CBFA2T2: variants seen among roughly 807,000 people sequenced by gnomAD.
CBFA2T2 encodes CBFA2/RUNX1 partner transcriptional co-repressor 2, also known as protein CBFA2T2.
CBFA2T2 carries 11 observed loss-of-function variants against 62.2 expected under a neutral mutation model. The ratio of observed to expected loss-of-function variants is 0.18; its 90% CI spans 0.11 to 0.29. CBFA2T2 has a LOEUF of 0.29. CBFA2T2 is among the 10% of genes least tolerant of loss of function. CBFA2T2 has a pLI of 1.00. For synonymous variants in CBFA2T2, 295 were observed against 287.5 expected (o/e 1.03, Z -0.27); for missense variants, 592 against 774.1 (o/e 0.76, Z 2.79).
Position 33,636,592 on chromosome 20 carries a change from T to C in CBFA2T2, c.1229-48T>C, listed in dbSNP as rs568569330. The C allele has an allele frequency of 1.2e-5, 17 of 1,367,892 alleles. No individual in the cohort carries two copies. The East Asian group carries it at 3.2e-4, about 26-fold the overall frequency. The allele number at this position is 1,367,892 out of a possible 1,614,324, so 84.7% of individuals were successfully genotyped here. A position where few individuals can be genotyped will look rare whatever the true frequency, so the allele number is the denominator to read the frequency against. On this transcript the variant is annotated intron_variant, in intron 8 of 10. Transcript: ENST00000342704. ...GAAATCTGATCAAAAATAAAACTGC[T>C]GATCATAGACAGCTTCTGACCCTAT... is the stretch of plus-strand genomic sequence containing the variant.
chr20:33,514,059 C>T (rs1433010398), intron 1 of CBFA2T2, among the ~76,000 whole-genome samples: 1 of 150,946 alleles, frequency 6.6e-6, no homozygotes, highest in Admixed American at 6.6e-5. Flanking sequence ...GGCCACCATG[C>T]CTGGCTACTT....
intron 1 of CBFA2T2, among the ~76,000 whole-genome samples, chr20:33,539,116 C>T (rs1488435538): frequency 1.3e-5 from 2 of 152,118 alleles, no homozygotes; most frequent in Non-Finnish European, 2.9e-5. Flanking sequence ...AGTTGAGGTT[C>T]GGAAATTTGG....
chr20:33,613,296 T>A (rs2015592647), intron 3 of CBFA2T2, among the ~76,000 whole-genome samples: 1 of 152,236 alleles, frequency 6.6e-6, no homozygotes, highest in African/African-American at 2.4e-5. Flanking sequence ...GGGGCAGTTT[T>A]GGGGTCTCCA....
intron 1 of CBFA2T2, among the ~76,000 whole-genome samples, chr20:33,598,894 G>A (rs907846947): frequency 4.6e-5 from 7 of 152,180 alleles, no homozygotes; most frequent in South Asian, 2.1e-4. Context: ...CTGACTTCCC[G>A]CAGCAGTCTC....
chr20:33,530,755 C>T (rs1174391391), intron 1 of CBFA2T2, among the ~76,000 whole-genome samples: 1 of 151,548 alleles, frequency 6.6e-6, no homozygotes, highest in African/African-American at 2.4e-5. Flanking sequence ...ACTATAAAAG[C>T]ACATGAACAA....
At chr20:33,602,123 T>C (rs2122274284) in intron 1 of CBFA2T2, among the ~76,000 whole-genome samples, 1 of 152,284 alleles carries the variant, frequency 6.6e-6, no homozygotes, top group East Asian at 1.9e-4. Flanking sequence ...AATTCTAATA[T>C]ATTTTAAAAT....
At position 33,645,576 on chromosome 20, in the gene CBFA2T2, C is replaced by T. The variant is rs1478560749; in HGVS notation, c.*930C>T. The T allele has an allele frequency of 6.6e-6, 1 of 152,196 alleles. No homozygotes were observed. The highest frequency in any genetic ancestry group is 2.4e-5 in the African/African-American group (1 of 41,450). The allele number at this position is 152,196 out of a possible 1,614,324, so 9.4% of individuals were successfully genotyped here. A position where few individuals can be genotyped will look rare whatever the true frequency, so the allele number is the denominator to read the frequency against. On this transcript the variant is annotated 3_prime_UTR_variant, in exon 11 of 11. Coordinates refer to ENST00000342704, the MANE Select transcript of CBFA2T2 (RefSeq NM_001032999.3). ...GTGTCCTTTTATCTCTCAGACCACA[C>T]ACATCTGGAACGCTGTGGGCATCTT...
At chr20:33,630,282 C>T (rs748887929) in intron 8 of CBFA2T2, among the ~76,000 whole-genome samples, 2 of 152,098 alleles carry the variant, frequency 1.3e-5, no homozygotes, top group African/African-American at 2.4e-5. Context: ...GTTAATTCTT[C>T]GTGGAGAATG....
intron 3 of CBFA2T2, among the ~76,000 whole-genome samples, chr20:33,611,631 G>C (rs2015532544): frequency 6.6e-6 from 1 of 151,874 alleles, no homozygotes; most frequent in Non-Finnish European, 1.5e-5. Flanking sequence ...TTCTCTTGCT[G>C]CATCCTCCTG....
chr20:33,644,720 C>T lies in CBFA2T2; in HGVS notation c.*74C>T. The T allele has an allele frequency of 6.8e-7, 1 of 1,470,128 alleles. No homozygotes were observed. 91.1% of individuals were successfully genotyped at this position (1,470,128 alleles called of 1,614,324 possible). Reference sequence around the variant, plus strand: ...TGGGCTGAGGGACTGACTGTTGGAACCCGTGCATGTAGCTGCCGGGTCATC... The same window carrying T: ...TGGGCTGAGGGACTGACTGTTGGAATCCGTGCATGTAGCTGCCGGGTCATC... On this transcript the variant is annotated 3_prime_UTR_variant, in exon 11 of 11. Transcript: ENST00000342704.
chr20:33,562,991 T>C (rs1359640950), intron 1 of CBFA2T2, among the ~76,000 whole-genome samples: 1 of 152,210 alleles, frequency 6.6e-6, no homozygotes, highest in East Asian at 1.9e-4. Context: ...GATTGTTCTG[T>C]GATGTTTAGA....
chr20:33,520,017 C>T (rs148231535), intron 1 of CBFA2T2, among the ~76,000 whole-genome samples: 20 of 152,058 alleles, frequency 1.3e-4, no homozygotes, highest in Non-Finnish European at 2.2e-4. Flanking sequence ...CATGGTGGCT[C>T]GTGCCTAATC....
intron 3 of CBFA2T2, among the ~76,000 whole-genome samples, chr20:33,616,847 C>T (rs1043734399): frequency 6.6e-6 from 1 of 152,166 alleles, no homozygotes; most frequent in African/African-American, 2.4e-5. Context: ...CAACGTTCTT[C>T]TCTCTGCTCT....
At chr20:33,594,050 G>A (rs1032945101) in intron 1 of CBFA2T2, among the ~76,000 whole-genome samples, 3 of 152,184 alleles carry the variant, frequency 2.0e-5, no homozygotes, top group South Asian at 2.1e-4. Flanking sequence ...TGGATACTAC[G>A]TGATGAATGG....
At chr20:33,572,805 T>A (rs2013628036) in intron 1 of CBFA2T2, among the ~76,000 whole-genome samples, 2 of 152,188 alleles carry the variant, frequency 1.3e-5, no homozygotes, top group South Asian at 4.1e-4. Flanking sequence ...TGGGTAACCA[T>A]TGAATAGTTG....
chr20:33,644,701 G>A lies in CBFA2T2; in HGVS notation c.*55G>A. 2 of 1,526,646 alleles carry A rather than the reference G, an allele frequency of 1.3e-6. No individual in the cohort carries two copies. Among genetic ancestry groups the A allele is most frequent in the East Asian group, 4.5e-5 (2 of 43,974 alleles). The allele number at this position is 1,526,646 out of a possible 1,614,324, so 94.6% of individuals were successfully genotyped here. A position where few individuals can be genotyped will look rare whatever the true frequency, so the allele number is the denominator to read the frequency against. On this transcript the variant is annotated 3_prime_UTR_variant, in exon 11 of 11. Transcript: ENST00000342704. ...CTCAGCACCACAGAGTGCTTGGGCT[G>A]AGGGACTGACTGTTGGAACCCGTGC...
intron 1 of CBFA2T2, among the ~76,000 whole-genome samples, chr20:33,529,503 G>A (rs930410365): frequency 1.3e-5 from 2 of 151,360 alleles, no homozygotes; most frequent in African/African-American, 2.4e-5. Context: ...GGTGGCTCGC[G>A]CCTGTAATCC....
At chr20:33,536,924 T>C (rs1199536943) in intron 1 of CBFA2T2, among the ~76,000 whole-genome samples, 22 of 113,988 alleles carry the variant, frequency 1.9e-4, no homozygotes, top group African/African-American at 4.1e-4. Context: ...ACTTCCTAGA[T>C]GGGATGGCGG....
At chr20:33,557,958 C>A (rs1425765773) in intron 1 of CBFA2T2, among the ~76,000 whole-genome samples, 1 of 152,038 alleles carries the variant, frequency 6.6e-6, no homozygotes, top group Admixed American at 6.6e-5. Context: ...GCCTAAGCCT[C>A]CCAAGTAGCT....
Sources: gnomAD v4.1 joint callset for allele counts (sites outside exome capture counted in the v4.1 genomes callset) on GRCh38, gnomAD v4.1.1 for gene constraint, MANE v1.5 for transcripts, NCBI Gene and HGNC (gene_info 2026-07-23, HGNC 2026-07-21) for gene names.